Variants in AIG1 observed in about 807,000 individuals in gnomAD.
The protein encoded by AIG1 is androgen-induced gene 1 protein.
In AIG1, 23 loss-of-function variants were observed where a neutral mutation model predicts 31.4. That is an observed-to-expected ratio of 0.73 (90% CI 0.53 to 1.04). AIG1 has a LOEUF of 1.04. Ranked by LOEUF, AIG1 falls within the 50% of genes least tolerant of loss-of-function variation. The probability of loss-of-function intolerance (pLI) is 0.00; values close to 1 mark genes in which losing one functional copy is unlikely to be tolerated. For missense variants in AIG1, 274 were observed against 295.0 expected, an observed-to-expected ratio of 0.93 and a Z score of 0.52; for synonymous variants, 100 against 110.5, an observed-to-expected ratio of 0.90 and a Z score of 0.60.
At chr6:143,265,380 C>T (rs983242374) in intron 3 of AIG1, among the ~76,000 whole-genome samples, 3 of 152,126 alleles carry the variant, frequency 2.0e-5, no homozygotes, top group Admixed American at 6.5e-5. Context: ...ATATGTATTC[C>T]TGATGTGAAT....
intron 4 of AIG1, among the ~76,000 whole-genome samples, chr6:143,290,667 G>A (rs1012708199): frequency 7.9e-5 from 12 of 152,156 alleles, no homozygotes; most frequent in Non-Finnish European, 1.3e-4. Flanking sequence ...CCTGGTGCCA[G>A]CTGCAACCAA....
At chr6:143,263,423 T>A (rs1439183248) in intron 3 of AIG1, among the ~76,000 whole-genome samples, 2 of 152,190 alleles carry the variant, frequency 1.3e-5, no homozygotes, top group Non-Finnish European at 1.5e-5. Flanking sequence ...TCTTCATATT[T>A]CTGTGTTTTC....
At chr6:143,343,442 C>T (rs978509588), downstream of AIG1, 2 of 468,764 alleles carry the variant, frequency 4.3e-6, no homozygotes, top group East Asian at 4.9e-5. Context: ...CCCCAGGAGA[C>T]ATCGGCCCTA....
intron 4 of AIG1, among the ~76,000 whole-genome samples, chr6:143,320,403 A>C (rs1486503029): frequency 6.6e-6 from 1 of 152,172 alleles, no homozygotes; most frequent in Admixed American, 6.5e-5. Context: ...AGGCATCAGC[A>C]TTCCCATGTT....
intron 3 of AIG1, among the ~76,000 whole-genome samples, chr6:143,184,583 G>T (rs1789052498): frequency 6.6e-6 from 1 of 152,168 alleles, no homozygotes; most frequent in Non-Finnish European, 1.5e-5. Flanking sequence ...GATCCTATCA[G>T]CTGCACCTCC....
rs1490285207 is a variant in AIG1 at position 143,333,828 on chromosome 6, A to C, written c.679+383A>C. Among the ~76,000 whole-genome samples the C allele has an allele frequency of 6.7e-6, 1 of 150,084 alleles. No individual in the cohort carries two copies. Among genetic ancestry groups the C allele is most frequent in the Non-Finnish European group, 1.5e-5 (1 of 67,350 alleles). ...AATAGATACATTATTAAATGTAACC[A>C]ATCTCCTTTAAAGTCACCCAGATCT... On this transcript the variant is annotated intron_variant, in intron 5 of 5. Transcript: ENST00000357847. This position sits in a 1 kb window ranked among gnomAD's most constrained non-coding sequence, Gnocchi z 4.6.
intron 1 of AIG1, among the ~76,000 whole-genome samples, chr6:143,091,518 A>AT (rs1327428434): frequency 1.3e-5 from 2 of 152,214 alleles, no homozygotes; most frequent in East Asian, 3.9e-4. Context: ...AAATGCTAAA[A>AT]ATCACAATCC....
intron 3 of AIG1, among the ~76,000 whole-genome samples, chr6:143,178,318 T>G (rs1040950877): frequency 2.0e-5 from 3 of 152,178 alleles, no homozygotes; most frequent in African/African-American, 4.8e-5. Flanking sequence ...CAGGGCAAGA[T>G]GCACACTGGT....
At chr6:143,234,119 C>T (rs1018205630) in intron 3 of AIG1, among the ~76,000 whole-genome samples, 28 of 152,146 alleles carry the variant, frequency 1.8e-4, no homozygotes, top group African/African-American at 5.1e-4. Context: ...CTAAACACAC[C>T]TCTGCCCATC....
intron 3 of AIG1, among the ~76,000 whole-genome samples, chr6:143,199,370 G>A (rs991032536): frequency 5.9e-5 from 9 of 151,956 alleles, no homozygotes; most frequent in Admixed American, 3.9e-4. Context: ...AAGATGGGGG[G>A]GTGATGAATA....
chr6:143,069,751 G>A (rs948443628), intron 1 of AIG1, among the ~76,000 whole-genome samples: 5 of 152,138 alleles, frequency 3.3e-5, no homozygotes, highest in African/African-American at 9.7e-5. Context: ...CTTCCTGTCT[G>A]TAGTTTATTT....
chr6:143,178,352 G>A (rs1424718900), intron 3 of AIG1, among the ~76,000 whole-genome samples: 1 of 152,176 alleles, frequency 6.6e-6, no homozygotes, highest in African/African-American at 2.4e-5. Flanking sequence ...TCAACATGAT[G>A]ATGTGCTGTG....
chr6:143,244,292 A>G (rs1583608290), intron 3 of AIG1, among the ~76,000 whole-genome samples: 1 of 152,298 alleles, frequency 6.6e-6, no homozygotes, highest in African/African-American at 2.4e-5. Flanking sequence ...GTGGAGGTAA[A>G]TGGCATGGAC....
intron 1 of AIG1, among the ~76,000 whole-genome samples, chr6:143,076,774 C>T (rs943446499): frequency 4.6e-5 from 7 of 151,254 alleles, no homozygotes; most frequent in South Asian, 2.1e-4. Context: ...CTGGTTCAAG[C>T]GATTCTCCTG....
At chr6:143,273,256 C>T (rs1439022595) in intron 3 of AIG1, among the ~76,000 whole-genome samples, 1 of 152,198 alleles carries the variant, frequency 6.6e-6, no homozygotes, top group African/African-American at 2.4e-5. Flanking sequence ...GAGAAAATAT[C>T]TGAAAAGCAG....
intron 1 of AIG1, among the ~76,000 whole-genome samples, chr6:143,095,202 G>A (rs1779641392): frequency 1.3e-5 from 2 of 151,936 alleles, no homozygotes; most frequent in Admixed American, 6.6e-5. Context: ...AAGAGAAACC[G>A]TGAGGTAAAG....
rs1452385444 is a variant in AIG1, at chr6:143,227,833, C to T, written c.400-56277C>T. On this transcript the variant is annotated intron_variant, in intron 3 of 5. Transcript: ENST00000357847. ...GGAGGAGCTGGGGCCATCGAAGGAC[C>T]GAGCTGCAGGAAGAATGGAAGAGCA... 5.3e-5 allele frequency among the ~76,000 whole-genome samples: 8 copies of T among 152,060 alleles called. No individual in the cohort carries two copies. The East Asian group carries it at 1.4e-3, about 26-fold the overall frequency.
chr6:143,318,393 A>G (rs1459434821), intron 4 of AIG1, among the ~76,000 whole-genome samples: 1 of 152,172 alleles, frequency 6.6e-6, no homozygotes, highest in Non-Finnish European at 1.5e-5. Context: ...AGAACACTCT[A>G]TTCCACAAAT....
chr6:143,101,165 T>C (rs1460887735), intron 1 of AIG1, among the ~76,000 whole-genome samples: 3 of 152,098 alleles, frequency 2.0e-5, no homozygotes, highest in Non-Finnish European at 4.4e-5. Flanking sequence ...CTGGCTTTCA[T>C]TGTTGAAGAG....
Sources: allele counts gnomAD v4.1 joint callset (sites outside exome capture counted in the v4.1 genomes callset), GRCh38; gene constraint gnomAD v4.1.1; non-coding constraint Gnocchi (gnomAD v3.1); transcripts MANE v1.5; gene names NCBI Gene and HGNC (gene_info 2026-07-23, HGNC 2026-07-21).